CHRNA7: variants seen among roughly 807,000 people sequenced by gnomAD.
The protein encoded by CHRNA7 is neuronal acetylcholine receptor subunit alpha-7.
A neutral mutation model predicts 48.0 loss-of-function variants in CHRNA7; 17 were observed. The observed-to-expected ratio is 0.35, with a 90% CI of 0.24 to 0.53. CHRNA7 has a LOEUF of 0.53. Ranked by LOEUF, CHRNA7 falls within the 20% of genes least tolerant of loss-of-function variation. The pLI is 0.92. For synonymous variants in CHRNA7, 75 were observed against 242.3 expected, an observed-to-expected ratio of 0.31 and a Z score of 6.41; for missense variants, 155 against 577.7, an observed-to-expected ratio of 0.27 and a Z score of 7.50.
Position 32,122,775 on chromosome 15 carries a change from A to G in CHRNA7, c.350+10876A>G, listed in dbSNP as rs182673497. 3.9e-3 allele frequency among the ~76,000 whole-genome samples: 593 copies of G among 152,192 alleles called. 1 individual carries two copies. In the Middle Eastern group the frequency reaches 0.044, roughly 11 times the overall value. On this transcript the variant is annotated intron_variant, in intron 4 of 9. Coordinates refer to ENST00000306901, the MANE Select transcript of CHRNA7 (RefSeq NM_000746.6). ...GTTATATTCATTTATGCATGTGCCA[A>G]TACCATACTGAGAGCTAAGCAGGGT...
rs543266103 is a variant in CHRNA7, at chr15:32,112,207, A to G, written c.350+308A>G. ...ATTGGCACATGGAGTATTCTTGCAT[A>G]AGGCAGTACCTTTGTTCTCTGAATG... On this transcript the variant is annotated intron_variant, in intron 4 of 9. Transcript: ENST00000306901. 8 of 521,436 alleles carry G rather than the reference A, an allele frequency of 1.5e-5. No individual in the cohort carries two copies. The East Asian group carries it at 4.0e-4, about 26-fold the overall frequency. 32.3% of individuals were successfully genotyped at this position (521,436 alleles called of 1,614,324 possible).
chr15:32,101,405 C>G, intron 3 of CHRNA7, 58 bp downstream of exon 3: 1 of 1,522,672 alleles, frequency 6.6e-7, no homozygotes, highest in Non-Finnish European at 8.8e-7. Context: ...ACCCAAGATT[C>G]TTGTTCTGAT....
chr15:32,127,728 G>A (rs1182628154), intron 4 of CHRNA7, among the ~76,000 whole-genome samples: 1 of 151,946 alleles, frequency 6.6e-6, no homozygotes, highest in Non-Finnish European at 1.5e-5. Context: ...TCAGATATGT[G>A]TTTTGAAAAT....
chr15:32,145,144 T>A (rs1195247725), intron 4 of CHRNA7, among the ~76,000 whole-genome samples: 1 of 152,234 alleles, frequency 6.6e-6, no homozygotes. Context: ...CCTTTCTGTT[T>A]GTTAGTTTTC....
intron 4 of CHRNA7, among the ~76,000 whole-genome samples, chr15:32,124,935 C>G (rs936898087): frequency 6.6e-6 from 1 of 152,194 alleles, no homozygotes; most frequent in Non-Finnish European, 1.5e-5. Flanking sequence ...CCCCAGACAT[C>G]AGATCCGTGG....
chr15:32,085,480 C>T (rs1514248), intron 2 of CHRNA7, among the ~76,000 whole-genome samples: 122,827 of 152,228 alleles, frequency 0.81, 50,918 homozygotes, highest in Non-Finnish European at 0.91. Flanking sequence ...TATTTAAAAT[C>T]GGGCATGTCT....
intron 3 of CHRNA7, among the ~76,000 whole-genome samples, chr15:32,109,148 G>A (rs553766750): frequency 1.6e-3 from 249 of 152,346 alleles, no homozygotes; most frequent in African/African-American, 5.6e-3. Flanking sequence ...AAGGCTGCTG[G>A]TTGCCCATTT....
intron 4 of CHRNA7, among the ~76,000 whole-genome samples, chr15:32,122,550 T>C (rs951959317): frequency 6.6e-6 from 1 of 152,202 alleles, no homozygotes; most frequent in Non-Finnish European, 1.5e-5. Context: ...CTTTATGGCT[T>C]TGGGGTCCCA....
At chr15:32,135,007 A>T (rs952845714) in intron 4 of CHRNA7, among the ~76,000 whole-genome samples, 3 of 152,210 alleles carry the variant, frequency 2.0e-5, no homozygotes, top group Non-Finnish European at 2.9e-5. Context: ...TCCTGTTTCA[A>T]ATGCTTTACA....
At chr15:32,132,815 T>C (rs540313020) in intron 4 of CHRNA7, among the ~76,000 whole-genome samples, 70 of 152,374 alleles carry the variant, frequency 4.6e-4, no homozygotes, top group African/African-American at 1.6e-3. Context: ...TACCTCCTTA[T>C]CGTTTTTCTT....
chr15:32,054,675 G>A lies in CHRNA7; in HGVS notation c.195+23638G>A, dbSNP rs557341722. Among the ~76,000 whole-genome samples the A allele has an allele frequency of 5.0e-4, 76 of 152,282 alleles. 2 individuals carry two copies. The highest frequency in any genetic ancestry group is 3.5e-3 in the South Asian group (17 of 4,828). The stretch of plus-strand genomic sequence containing the variant: ...GGAATCACCCAAGCACACAGCATGC[G>A]TTCTTTGGGATCTGGCTTTTTTGGT... On this transcript the variant is annotated intron_variant, in intron 2 of 9. Coordinates refer to ENST00000306901, the MANE Select transcript of CHRNA7 (RefSeq NM_000746.6).
In CHRNA7 at chr15:32,111,919, GA is replaced by G. The variant is rs759731321; in HGVS notation, c.350+27del. The G allele has an allele frequency of 4.3e-6, 6 of 1,382,096 alleles. No homozygotes were observed. The highest frequency in any genetic ancestry group is 1.7e-5 in the Admixed American group (1 of 58,850). The allele number at this position is 1,382,096 out of a possible 1,614,324, so 85.6% of individuals were successfully genotyped here. On this transcript the variant is annotated intron_variant, in intron 4 of 9. Coordinates refer to ENST00000306901, the MANE Select transcript of CHRNA7 (RefSeq NM_000746.6). ...TAACAGGTAAGCATATTGAACAAAG[GA>G]AAAAAATGATTTTATGCTTGCATAC...
rs1555383703 is a variant in CHRNA7, at chr15:32,114,061, C to CATGT, written c.350+2164_350+2165insGTAT. On this transcript the variant is annotated intron_variant, in intron 4 of 9. Transcript: ENST00000306901. ...ATATATATGTATATATATATATATA[C>CATGT]ATATATATATATATACACATACATA... 2.7e-3 allele frequency among the ~76,000 whole-genome samples: 319 copies of CATGT among 120,204 alleles called. 1 individual carries two copies. The highest frequency in any genetic ancestry group is 1.0e-2 in the African/African-American group (307 of 30,750). The allele number at this position is 120,204 out of a possible 152,430, so 78.9% of individuals were successfully genotyped here.
intron 2 of CHRNA7, among the ~76,000 whole-genome samples, chr15:32,045,985 A>C (rs2049537349): frequency 6.6e-6 from 1 of 151,336 alleles, no homozygotes; most frequent in South Asian, 2.1e-4. Flanking sequence ...ATGTCCCTAC[A>C]AAGGACATGA....
chr15:32,124,343 G>T (rs536748824), intron 4 of CHRNA7, among the ~76,000 whole-genome samples: 1 of 152,246 alleles, frequency 6.6e-6, no homozygotes, highest in South Asian at 2.1e-4. Flanking sequence ...AAAACAAAGT[G>T]CTCATGAATA....
intron 4 of CHRNA7, among the ~76,000 whole-genome samples, chr15:32,124,557 AAACT>A (rs2051031536): frequency 6.6e-6 from 1 of 152,256 alleles, no homozygotes; most frequent in East Asian, 1.9e-4. Flanking sequence ...CACAAAAAAT[AAACT>A]AAGACTGGAA....
intron 4 of CHRNA7, among the ~76,000 whole-genome samples, chr15:32,123,773 G>T (rs1271242751): frequency 6.6e-6 from 1 of 152,074 alleles, no homozygotes; most frequent in Non-Finnish European, 1.5e-5. Context: ...CCGCTGTGCA[G>T]TATATAATCT....
At chr15:32,101,427 T>A in intron 3 of CHRNA7, 80 bp downstream of exon 3, 1 of 1,464,508 alleles carries the variant, frequency 6.8e-7, no homozygotes, top group Non-Finnish European at 9.2e-7. Context: ...CCTGAGATGC[T>A]TGCTTCTGAG....
chr15:32,110,122 G>A (rs146436285), intron 3 of CHRNA7, among the ~76,000 whole-genome samples: 10 of 152,186 alleles, frequency 6.6e-5, no homozygotes, highest in Non-Finnish European at 1.2e-4. Context: ...ATTAGTGACC[G>A]ACACAGAGAA....
Sources: gnomAD v4.1 joint callset for allele counts (sites outside exome capture counted in the v4.1 genomes callset) on GRCh38, gnomAD v4.1.1 for gene constraint, MANE v1.5 for transcripts, NCBI Gene and HGNC (gene_info 2026-07-23, HGNC 2026-07-21) for gene names.